The following PRSS12 variants were observed in gnomAD, a reference collection of about 807,000 sequenced individuals.
PRSS12 encodes the protein neurotrypsin.
Under a neutral mutation model 104.4 loss-of-function variants are expected in PRSS12, and 85 were observed. That is an observed-to-expected ratio of 0.81 (90% CI 0.68 to 0.98). The LOEUF (loss-of-function observed/expected upper bound fraction) is 0.98, where lower values mean the gene tolerates loss of function less well. Ranked by LOEUF, PRSS12 falls within the 50% of genes least tolerant of loss-of-function variation. The pLI, the probability that PRSS12 is intolerant of heterozygous loss-of-function variation, is 0.00. For synonymous variants in PRSS12, 454 were observed against 425.2 expected (o/e 1.07, Z -0.83); for missense variants, 1,141 against 1,139.2 (o/e 1.00, Z -0.02).
chr4:118,283,708 G>A (rs1177339946), intron 11 of PRSS12, among the ~76,000 whole-genome samples: 2 of 152,068 alleles, frequency 1.3e-5, no homozygotes, highest in Non-Finnish European at 2.9e-5. Context: ...ATTTAAAATT[G>A]CAACCCATCT....
chr4:118,336,838 G>A (rs1724075839), intron 2 of PRSS12, among the ~76,000 whole-genome samples: 3 of 152,088 alleles, frequency 2.0e-5, no homozygotes, highest in Admixed American at 2.0e-4. Flanking sequence ...TACATCTCTT[G>A]CCCCTCAAAG....
rs1283500521 is a variant in PRSS12, at chr4:118,283,068, A to C, written c.2083T>G (p.Tyr695Asp). The part of the protein sequence containing the change: ...TRSYAVRVGD[Y>D]HTLVPEEFEE... Reference sequence around the variant, plus strand: ...AACTCCTCTGGTACCAGAGTATGATAATCTCCAACCCTAACAGCATAGCTC... The same window carrying C: ...AACTCCTCTGGTACCAGAGTATGATCATCTCCAACCCTAACAGCATAGCTC... Residue 695 changes from tyrosine (Y) to aspartate (D), a missense_variant, in exon 12 of 13, where the codon TAT becomes GAT. Transcript: ENST00000296498. 1.2e-6 allele frequency: 2 copies of C among 1,614,054 alleles called. No homozygotes were observed. Among genetic ancestry groups the C allele is most frequent in the African/African-American group, 2.7e-5 (2 of 74,918 alleles).
intron 1 of PRSS12, among the ~76,000 whole-genome samples, chr4:118,340,067 A>G (rs1281356470): frequency 6.6e-6 from 1 of 152,230 alleles, no homozygotes; most frequent in Non-Finnish European, 1.5e-5. Flanking sequence ...TCAAAAAGCT[A>G]TCAAGAAGAA....
chr4:118,335,665 G>C lies in PRSS12; in HGVS notation c.642-14C>G, dbSNP rs779905728. 2 of 1,612,734 alleles carry C rather than the reference G, an allele frequency of 1.2e-6. No individual in the cohort carries two copies. The highest frequency in any genetic ancestry group is 8.5e-7 in the Non-Finnish European group (1 of 1,178,990). On this transcript the variant is annotated splice_polypyrimidine_tract_variant and intron_variant, in intron 2 of 12. Coordinates refer to ENST00000296498, the MANE Select transcript of PRSS12 (RefSeq NM_003619.4). Reference sequence around the variant, plus strand: ...ATTCCTTTTCCTCTGGAAGTACAATGAGCGATATTAGGTTTATCAAATGTA... The same window carrying C: ...ATTCCTTTTCCTCTGGAAGTACAATCAGCGATATTAGGTTTATCAAATGTA...
chr4:118,315,922 G>T (rs1743894794), intron 6 of PRSS12, among the ~76,000 whole-genome samples: 1 of 152,088 alleles, frequency 6.6e-6, no homozygotes, highest in Non-Finnish European at 1.5e-5. Flanking sequence ...AGACACAAGG[G>T]GACTTAGAGG....
At position 118,312,795 on chromosome 4, in the gene PRSS12, C is replaced by T. The variant is rs1248865612; in HGVS notation, c.1489+406G>A. On this transcript the variant is annotated intron_variant, in intron 7 of 12. Coordinates refer to ENST00000296498, the MANE Select transcript of PRSS12 (RefSeq NM_003619.4). ...GCTTCAGGACTAGAGAAGAAATGAA[C>T]CATGAGACAGGGAGAGGAGAATATT... is the stretch of plus-strand genomic sequence containing the variant. Among the ~76,000 whole-genome samples the T allele has an allele frequency of 2.6e-5, 4 of 151,770 alleles. No homozygotes were observed. In the South Asian group the frequency reaches 8.4e-4, roughly 32 times the overall value.
intron 3 of PRSS12, among the ~76,000 whole-genome samples, chr4:118,334,576 T>C (rs1408577561): frequency 2.6e-5 from 4 of 152,128 alleles, no homozygotes; most frequent in Non-Finnish European, 5.9e-5. Flanking sequence ...AAAAGGATTA[T>C]AGCTCTCAGA....
chr4:118,336,766 T>C (rs1724074293), intron 2 of PRSS12, among the ~76,000 whole-genome samples: 1 of 152,164 alleles, frequency 6.6e-6, no homozygotes, highest in Non-Finnish European at 1.5e-5. Context: ...TTTTCCGGGG[T>C]AATAAAAGCA....
intron 8 of PRSS12, among the ~76,000 whole-genome samples, chr4:118,299,827 T>G (rs1277295816): frequency 8.2e-6 from 1 of 122,170 alleles, no homozygotes; most frequent in Non-Finnish European, 1.8e-5. Flanking sequence ...TAAAATAAAA[T>G]AAAATAAAAT....
In PRSS12 at chr4:118,352,706, G is replaced by A; in HGVS notation, c.15C>T (p.Arg5=). 6.2e-7 allele frequency: 1 copy of A among 1,613,028 alleles called. No individual in the cohort carries two copies. The highest frequency in any genetic ancestry group is 8.5e-7 in the Non-Finnish European group (1 of 1,179,386). MTLA[R]FVLALMLGAL... is the part of the protein sequence containing the mutation. ...CCCCTAACATCAGGGCTAGCACGAA[G>A]CGGGCGAGCGTCATGGTGCCAGCGC... Residue 5 remains arginine (R), a synonymous_variant, in exon 1 of 13, where the codon CGC becomes CGT. Transcript: ENST00000296498.
chr4:118,328,156 G>A (rs1018850313), intron 4 of PRSS12, among the ~76,000 whole-genome samples: 1 of 152,142 alleles, frequency 6.6e-6, no homozygotes, highest in Admixed American at 6.6e-5. Context: ...ACAAATTATA[G>A]AGAAAGAAGA....
chr4:118,308,543 C>G lies in PRSS12; in HGVS notation c.1524G>C (p.Lys508Asn). 6.2e-7 allele frequency: 1 copy of G among 1,612,144 alleles called. No homozygotes were observed. The highest frequency in any genetic ancestry group is 8.5e-7 in the Non-Finnish European group (1 of 1,178,884). The change falls in exon 8 of 13, where the codon AAG becomes AAC. Residue 508 changes from lysine to asparagine, a missense_variant. By Grantham distance (94) the Lys-to-Asn change is moderately conservative. Transcript: ENST00000296498. ...TAAAAACCTCCACTCGTCCTTCTTTCTTATTTTCTCCATCCATCAGTCTGA... is the reference window on the plus strand; with the variant it reads ...TAAAAACCTCCACTCGTCCTTCTTTGTTATTTTCTCCATCCATCAGTCTGA... ...FPVRLMDGEN[K>N]KEGRVEVFIN... is the part of the protein sequence containing the mutation.
chr4:118,352,809 G>A lies in PRSS12; in HGVS notation c.-89C>T. On this transcript the variant is annotated 5_prime_UTR_variant, in exon 1 of 13. In the 5' UTR this introduces an upstream ATG that the reference lacks. Transcript: ENST00000296498. ...GAGGGGGCGGGGGCGGGGCTGCCGC[G>A]TCCCTCGAATCCCCCAGCCCCCTCC... 5 of 1,556,118 alleles carry A rather than the reference G, an allele frequency of 3.2e-6. No individual in the cohort carries two copies. In the South Asian group the frequency reaches 5.9e-5, roughly 18 times the overall value.
rs1427835369 is a variant in PRSS12, at chr4:118,281,972, G to A, written c.2592C>T (p.Ala864=). Residue 864 remains alanine (A), a synonymous_variant, in exon 13 of 13, where the codon GCC becomes GCT. Coordinates refer to ENST00000296498, the MANE Select transcript of PRSS12 (RefSeq NM_003619.4). ...DSPGVYTKVS[A]FVPWIKSVTK... is the part of the protein sequence containing the mutation. Reference sequence around the variant, plus strand: ...TGACACTTTTTATCCAAGGTACAAAGGCTGAGACTTTGGTATAAACACCAG... The same window carrying A: ...TGACACTTTTTATCCAAGGTACAAAAGCTGAGACTTTGGTATAAACACCAG... 2 of 1,474,048 alleles carry A rather than the reference G, an allele frequency of 1.4e-6. No individual in the cohort carries two copies. The highest frequency in any genetic ancestry group is 2.3e-5 in the East Asian group (1 of 44,246). The allele number at this position is 1,474,048 out of a possible 1,614,324, so 91.3% of individuals were successfully genotyped here.
At chr4:118,316,854 A>ATATATATATG (rs1375147278) in intron 5 of PRSS12, among the ~76,000 whole-genome samples, 1 of 146,498 alleles carries the variant, frequency 6.8e-6, no homozygotes, top group Admixed American at 6.9e-5. Flanking sequence ...ATATATATAT[A>ATATATATATG]TATCTTTCCT....
chr4:118,311,238 A>T (rs977011782), intron 7 of PRSS12, among the ~76,000 whole-genome samples: 6 of 152,008 alleles, frequency 3.9e-5, no homozygotes, highest in Non-Finnish European at 7.4e-5. Flanking sequence ...AACTCACATA[A>T]CTGTATTCTT....
chr4:118,324,762 G>A (rs1055495027), intron 4 of PRSS12, among the ~76,000 whole-genome samples: 1 of 151,998 alleles, frequency 6.6e-6, no homozygotes, highest in Non-Finnish European at 1.5e-5. Context: ...GCACAGGCTG[G>A]AGTGCAGTGG....
At chr4:118,296,928 A>G (rs988856990) in intron 9 of PRSS12, among the ~76,000 whole-genome samples, 1 of 152,220 alleles carries the variant, frequency 6.6e-6, no homozygotes, top group Non-Finnish European at 1.5e-5. Context: ...GGGTCAATGT[A>G]TATGATGCCA....
chr4:118,297,595 A>C (rs1416538127), intron 9 of PRSS12, among the ~76,000 whole-genome samples: 3 of 152,136 alleles, frequency 2.0e-5, no homozygotes, highest in African/African-American at 7.2e-5. Flanking sequence ...CACAATCAGA[A>C]GCCCCTCAGA....
Sources: gnomAD v4.1 joint callset for allele counts (sites outside exome capture counted in the v4.1 genomes callset) on GRCh38, gnomAD v4.1.1 for gene constraint, MANE v1.5 for transcripts, NCBI Gene and HGNC (gene_info 2026-07-23, HGNC 2026-07-21) for gene names.